TENM3: variants seen among roughly 807,000 people sequenced by gnomAD.
TENM3 encodes teneurin transmembrane protein 3.
Under a neutral mutation model 255.1 loss-of-function variants are expected in TENM3, and 63 were observed. The observed-to-expected ratio is 0.25, with a 90% confidence interval of 0.20 to 0.30. TENM3 has a LOEUF of 0.30. Among genes scored for constraint, TENM3 ranks in the 10% least tolerant of loss-of-function variants. TENM3 has a pLI of 1.00. For missense variants in TENM3, 2,929 were observed against 3,461.1 expected (o/e 0.85, Z 3.86); for synonymous variants, 1,306 against 1,322.3 (o/e 0.99, Z 0.27).
the TENM3 span, among the ~76,000 whole-genome samples, chr4:181,785,713 G>A: frequency 2.6e-5 from 4 of 151,518 alleles, no homozygotes; most frequent in African/African-American, 2.4e-5. Context: ...CCCAACCCCC[G>A]CCACTGAAAA....
chr4:181,778,411 C>T, the TENM3 span, among the ~76,000 whole-genome samples: 28 of 151,920 alleles, frequency 1.8e-4, no homozygotes, highest in African/African-American at 5.3e-4. Flanking sequence ...TAGAAGCATC[C>T]GCTTCTTTGA....
chr4:182,464,003 T>C (rs548206721), intron 3 of TENM3, among the ~76,000 whole-genome samples: 6 of 152,260 alleles, frequency 3.9e-5, no homozygotes, highest in Admixed American at 3.9e-4. Flanking sequence ...GAGGCTCTTA[T>C]TAAGATTAAT....
At chr4:181,907,414 C>G in the TENM3 span, among the ~76,000 whole-genome samples, 1 of 152,122 alleles carries the variant, frequency 6.6e-6, no homozygotes, top group African/African-American at 2.4e-5. Context: ...TCAGATTTTT[C>G]TATGAAATCT....
chr4:182,390,850 A>T (rs947937263), intron 3 of TENM3, among the ~76,000 whole-genome samples: 2 of 152,132 alleles, frequency 1.3e-5, no homozygotes, highest in Non-Finnish European at 1.5e-5. Flanking sequence ...GTCCCACTTG[A>T]TATGATGATT....
chr4:182,049,252 T>C, the TENM3 span, among the ~76,000 whole-genome samples: 1 of 152,318 alleles, frequency 6.6e-6, no homozygotes, highest in Admixed American at 6.5e-5. Flanking sequence ...TAGGGTAGAT[T>C]TATATAAAGT....
chr4:181,476,672 C>G, the TENM3 span, among the ~76,000 whole-genome samples: 11 of 152,234 alleles, frequency 7.2e-5, no homozygotes, highest in East Asian at 2.1e-3. Flanking sequence ...AATGCACAGC[C>G]CGTTTTGGAG....
intron 6 of TENM3, among the ~76,000 whole-genome samples, chr4:182,667,410 C>G (rs144742939): frequency 0.012 from 1,796 of 152,140 alleles, 36 homozygotes; most frequent in African/African-American, 0.041. Flanking sequence ...GGGCTGGTCT[C>G]GAACTCCTGA....
At chr4:182,649,461 T>C (rs1267475232) in intron 5 of TENM3, among the ~76,000 whole-genome samples, 1 of 150,492 alleles carries the variant, frequency 6.6e-6, no homozygotes, top group Non-Finnish European at 1.5e-5. Flanking sequence ...TTCACTATTA[T>C]ATTCACCTAG....
the TENM3 span, among the ~76,000 whole-genome samples, chr4:181,552,583 GTTA>G: frequency 2.6e-5 from 4 of 152,164 alleles, no homozygotes; most frequent in South Asian, 6.2e-4. Flanking sequence ...GCTTCTCTGA[GTTA>G]TTATTTTGAG....
At chr4:181,894,350 G>T in the TENM3 span, among the ~76,000 whole-genome samples, 1 of 152,182 alleles carries the variant, frequency 6.6e-6, no homozygotes, top group African/African-American at 2.4e-5. Flanking sequence ...TCTCTCAGAA[G>T]CTTGTGCCGT....
At chr4:182,000,353 A>T in the TENM3 span, among the ~76,000 whole-genome samples, 3 of 152,046 alleles carry the variant, frequency 2.0e-5, no homozygotes, top group Admixed American at 1.3e-4. Context: ...GACCTCCTTG[A>T]TCACCACAGC....
At chr4:181,677,337 G>T in the TENM3 span, among the ~76,000 whole-genome samples, 1 of 152,056 alleles carries the variant, frequency 6.6e-6, no homozygotes, top group African/African-American at 2.4e-5. Flanking sequence ...TTTAGAGTTC[G>T]TTGGTCTTCC....
At chr4:181,757,440 A>G in the TENM3 span, among the ~76,000 whole-genome samples, 1 of 152,150 alleles carries the variant, frequency 6.6e-6, no homozygotes, top group Non-Finnish European at 1.5e-5. Context: ...GGAAGGTGTA[A>G]TTCAAGCCTG....
At chr4:181,819,575 G>A in the TENM3 span, among the ~76,000 whole-genome samples, 64 of 152,262 alleles carry the variant, frequency 4.2e-4, no homozygotes, top group African/African-American at 1.3e-3. Context: ...TGGCACCAGG[G>A]ACTGGTTTCA....
At chr4:181,583,023 C>A in the TENM3 span, among the ~76,000 whole-genome samples, 1 of 152,086 alleles carries the variant, frequency 6.6e-6, no homozygotes, top group Non-Finnish European at 1.5e-5. Flanking sequence ...CATGTGCATG[C>A]ACACACACAC....
chr4:181,459,229 C>T, the TENM3 span, among the ~76,000 whole-genome samples: 1 of 151,686 alleles, frequency 6.6e-6, no homozygotes, highest in Non-Finnish European at 1.5e-5. Context: ...AACTCCTTTG[C>T]CCATTTAAAA....
intron 1 of TENM3, among the ~76,000 whole-genome samples, chr4:182,283,422 G>T (rs1176293788): frequency 6.6e-6 from 1 of 152,170 alleles, no homozygotes; most frequent in Non-Finnish European, 1.5e-5. Context: ...CAGATGAGAT[G>T]ACATTAAAAC....
chr4:182,358,470 C>G (rs1272969611), intron 3 of TENM3, among the ~76,000 whole-genome samples: 2 of 151,550 alleles, frequency 1.3e-5, no homozygotes, highest in African/African-American at 4.9e-5. Context: ...ATTTTATTCT[C>G]TTTGAAACAA....
At chr4:181,854,873 A>C in the TENM3 span, among the ~76,000 whole-genome samples, 3 of 152,208 alleles carry the variant, frequency 2.0e-5, no homozygotes, top group Non-Finnish European at 4.4e-5. Context: ...TCAGATTAAT[A>C]ATAGAGACTA....
Sources: gnomAD v4.1 joint callset for allele counts (sites outside exome capture counted in the v4.1 genomes callset) on GRCh38, gnomAD v4.1.1 for gene constraint, MANE v1.5 for transcripts, NCBI Gene and HGNC (gene_info 2026-07-23, HGNC 2026-07-21) for gene names.